The following BLOC1S5 variants were observed in gnomAD, a reference collection of about 807,000 sequenced individuals.
BLOC1S5 encodes biogenesis of lysosomal organelles complex 1 subunit 5.
Under a neutral mutation model 24.3 loss-of-function variants are expected in BLOC1S5, and 27 were observed. The ratio of observed to expected loss-of-function variants is 1.11; its 90% CI spans 0.82 to 1.53. The LOEUF is 1.53. Among genes scored for constraint, BLOC1S5 ranks in the 40% most tolerant of loss-of-function variants. BLOC1S5 has a pLI of 0.00. For synonymous variants in BLOC1S5, 84 were observed against 74.5 expected, an observed-to-expected ratio of 1.13 and a Z score of -0.66; for missense variants, 239 against 229.4, an observed-to-expected ratio of 1.04 and a Z score of -0.27.
intron 3 of BLOC1S5, among the ~76,000 whole-genome samples, chr6:8,031,740 A>G (rs1448713810): frequency 1.3e-5 from 2 of 152,204 alleles, no homozygotes; most frequent in African/African-American, 2.4e-5. Context: ...TATAGTCACC[A>G]AAACAGCATG....
chr6:8,047,826 C>G (rs1006921625), intron 2 of BLOC1S5, among the ~76,000 whole-genome samples: 2 of 152,178 alleles, frequency 1.3e-5, no homozygotes, highest in Admixed American at 6.6e-5. Flanking sequence ...TGTATACTCT[C>G]AACAGCATCT....
At chr6:8,017,883 G>A (rs921955668) in intron 4 of BLOC1S5, 2 of 152,222 alleles carry the variant, frequency 1.3e-5, no homozygotes, top group African/African-American at 2.4e-5. Context: ...TCCAGAGGAA[G>A]TTTTACGTAG....
chr6:8,063,606 C>T (rs1757336745), intron 1 of BLOC1S5, among the ~76,000 whole-genome samples: 1 of 152,134 alleles, frequency 6.6e-6, no homozygotes, highest in Non-Finnish European at 1.5e-5. Context: ...AATACAAGCA[C>T]TGTATATAAG....
rs1318405201 is a variant in BLOC1S5, at chr6:8,014,320, C to G, written c.*1329G>C. 4 of 152,104 alleles carry G rather than the reference C, an allele frequency of 2.6e-5. No homozygotes were observed. The highest frequency in any genetic ancestry group is 2.6e-4 in the Admixed American group (4 of 15,266). The allele number at this position is 152,104 out of a possible 1,614,324, so 9.4% of individuals were successfully genotyped here. On this transcript the variant is annotated 3_prime_UTR_variant, in exon 5 of 5. Coordinates refer to ENST00000397457, the MANE Select transcript of BLOC1S5 (RefSeq NM_201280.3). ...ATGGAGTCTCACTCTGTCACCCAAG[C>G]TGGAGTGCAGTGGTGCCATCTCAGC...
chr6:8,030,485 C>T (rs145048989), intron 3 of BLOC1S5, among the ~76,000 whole-genome samples: 1,717 of 151,348 alleles, frequency 0.011, 19 homozygotes, highest in Non-Finnish European at 0.018. Flanking sequence ...AAAAATCAAA[C>T]AGAAATCTTG....
At chr6:8,016,320 C>T (rs551820819) in intron 4 of BLOC1S5, among the ~76,000 whole-genome samples, 155 of 142,674 alleles carry the variant, frequency 1.1e-3, no homozygotes, top group African/African-American at 4.1e-3. Context: ...AGTGAGACTC[C>T]GTCTCAAAAA....
chr6:8,031,955 T>C (rs1197960305), intron 3 of BLOC1S5, among the ~76,000 whole-genome samples: 2 of 152,190 alleles, frequency 1.3e-5, no homozygotes, highest in Non-Finnish European at 2.9e-5. Flanking sequence ...TCTCACCTTA[T>C]GTAAAAATCA....
intron 3 of BLOC1S5, chr6:8,027,112 T>C (rs11243221): frequency 0.15 from 46,544 of 311,854 alleles, 3,784 homozygotes; most frequent in Admixed American, 0.19. Context: ...ACCGCCTCTT[T>C]AATTATTTCA....
At chr6:8,047,160 T>TCCCACACA (rs1475934039) in intron 2 of BLOC1S5, among the ~76,000 whole-genome samples, 14 of 126,922 alleles carry the variant, frequency 1.1e-4, no homozygotes, top group African/African-American at 4.1e-4. Flanking sequence ...TCTCTCTCTC[T>TCCCACACA]CACACACACA....
At chr6:8,064,402 C>A (rs1025504135), upstream of BLOC1S5, 8 of 1,585,158 alleles carry the variant, frequency 5.0e-6, no homozygotes, top group Non-Finnish European at 6.9e-6. Context: ...CCACCCGCGG[C>A]CACGCTGCGC....
At chr6:8,023,602 G>A (rs1249204158) in intron 4 of BLOC1S5, among the ~76,000 whole-genome samples, 1 of 144,246 alleles carries the variant, frequency 6.9e-6, no homozygotes, top group Non-Finnish European at 1.5e-5. Context: ...AAAAAAAAAA[G>A]AATTAATGAG....
intron 2 of BLOC1S5, among the ~76,000 whole-genome samples, chr6:8,045,399 C>G (rs1191741897): frequency 1.3e-5 from 2 of 152,196 alleles, no homozygotes; most frequent in African/African-American, 4.8e-5. Flanking sequence ...TCTGCTAGGG[C>G]AGTGCAGAAG....
At chr6:8,025,466 C>T (rs938082065) in intron 4 of BLOC1S5, among the ~76,000 whole-genome samples, 3 of 152,130 alleles carry the variant, frequency 2.0e-5, no homozygotes. Context: ...GACTGGCCTG[C>T]GGGGTCCCAC....
chr6:8,054,310 C>T (rs1327844072), intron 2 of BLOC1S5: 3 of 446,436 alleles, frequency 6.7e-6, no homozygotes, highest in Non-Finnish European at 1.3e-5. Context: ...ACATCTTCAC[C>T]GTCAGAACAC....
intron 4 of BLOC1S5, 138 bp downstream of exon 4, chr6:8,026,229 A>G (rs1763098253): frequency 1.5e-6 from 1 of 648,780 alleles, no homozygotes; most frequent in Admixed American, 2.8e-5. Flanking sequence ...CCTCCTCAAC[A>G]CATCTTCAAT....
chr6:8,034,574 T>C (rs1488655471), intron 3 of BLOC1S5, among the ~76,000 whole-genome samples: 3 of 152,134 alleles, frequency 2.0e-5, no homozygotes, highest in African/African-American at 7.2e-5. Flanking sequence ...TATATACCTA[T>C]GTATCAAACC....
intron 3 of BLOC1S5, among the ~76,000 whole-genome samples, chr6:8,037,906 G>C (rs546277142): frequency 1.6e-4 from 24 of 152,198 alleles, no homozygotes; most frequent in Admixed American, 6.5e-4. Flanking sequence ...ACCAGTGCTG[G>C]GAAAACTGGA....
intron 3 of BLOC1S5, among the ~76,000 whole-genome samples, chr6:8,034,631 A>G (rs1763423718): frequency 6.6e-6 from 1 of 152,114 alleles, no homozygotes. Context: ...TAATAATAAT[A>G]AAAAAAGAAT....
At chr6:8,047,160 TCACA>T (rs57923927) in intron 2 of BLOC1S5, among the ~76,000 whole-genome samples, 2,073 of 126,892 alleles carry the variant, frequency 0.016, 30 homozygotes, top group African/African-American at 0.043. Context: ...TCTCTCTCTC[TCACA>T]CACACACACA....
Sources: allele counts gnomAD v4.1 joint callset (sites outside exome capture counted in the v4.1 genomes callset), GRCh38; gene constraint gnomAD v4.1.1; transcripts MANE v1.5; gene names NCBI Gene and HGNC (gene_info 2026-07-23, HGNC 2026-07-21).